Variants in TSGA13 observed in about 807,000 individuals in gnomAD.
The protein encoded by TSGA13 is testis specific 13.
TSGA13 carries 37 observed loss-of-function variants against 35.1 expected under a neutral mutation model. The observed-to-expected ratio is 1.05, with a 90% CI of 0.81 to 1.39. The LOEUF (loss-of-function observed/expected upper bound fraction) is 1.39, where lower values mean the gene tolerates loss of function less well. TSGA13 is among the 40% of genes most tolerant of loss of function. The probability of loss-of-function intolerance (pLI) is 0.00; values close to 1 mark genes in which losing one functional copy is unlikely to be tolerated. For synonymous variants in TSGA13, 124 were observed against 121.2 expected, an observed-to-expected ratio of 1.02 and a Z score of -0.15; for missense variants, 338 against 328.5, an observed-to-expected ratio of 1.03 and a Z score of -0.22.
intron 4 of TSGA13, among the ~76,000 whole-genome samples, chr7:130,679,664 C>G (rs1455902422): frequency 1.3e-5 from 2 of 151,894 alleles, no homozygotes; most frequent in African/African-American, 4.8e-5. Context: ...CACATGCCAC[C>G]CTGTCCAGCT....
Position 130,669,049 on chromosome 7 carries a change from G to A in TSGA13, c.793C>T (p.Gln265Ter), listed in dbSNP as rs1554462386. 1 of 1,614,220 alleles carries A rather than the reference G, an allele frequency of 6.2e-7. No individual in the cohort carries two copies. Among genetic ancestry groups the A allele is most frequent in the South Asian group, 1.1e-5 (1 of 91,082 alleles). ...ESAFRNGRAP[Q>*]WIIKKATVIG ...ACCGTGGCCTTTTTGATAATCCACTGCGGGGCCCTCCCGTTGCGGAAGGCG... is the reference window on the plus strand; with the variant it reads ...ACCGTGGCCTTTTTGATAATCCACTACGGGGCCCTCCCGTTGCGGAAGGCG... The change falls in exon 8 of 8, where the codon CAG becomes TAG. Residue 265 changes from glutamine (Q) to a stop codon, truncating the protein, a stop_gained. Transcript: ENST00000356588. LOFTEE classifies it high-confidence loss of function.
At position 130,668,915 on chromosome 7, in the gene TSGA13, C is replaced by T; in HGVS notation, c.*99G>A. The T allele has an allele frequency of 6.7e-7, 1 of 1,498,810 alleles. No individual in the cohort carries two copies. The highest frequency in any genetic ancestry group is 8.9e-7 in the Non-Finnish European group (1 of 1,118,890). 92.8% of individuals were successfully genotyped at this position (1,498,810 alleles called of 1,614,324 possible). ...CCTCCCGGCTTGCGACCCGGGAGCCCACGCCCGCAGCAGCAGGAATGTGGT... is the reference window on the plus strand; with the variant it reads ...CCTCCCGGCTTGCGACCCGGGAGCCTACGCCCGCAGCAGCAGGAATGTGGT... On this transcript the variant is annotated 3_prime_UTR_variant, in exon 8 of 8. Transcript: ENST00000356588.
At chr7:130,673,762 A>G (rs369386789) in intron 5 of TSGA13, among the ~76,000 whole-genome samples, 5 of 152,244 alleles carry the variant, frequency 3.3e-5, no homozygotes, top group Admixed American at 1.3e-4. Flanking sequence ...TGCCAGGTGT[A>G]GTAACTGCAT....
At chr7:130,685,047 G>T in intron 2 of TSGA13, 141 bp downstream of exon 2, 1 of 907,852 alleles carries the variant, frequency 1.1e-6, no homozygotes, top group Non-Finnish European at 1.7e-6. Context: ...TCCGGTTTTT[G>T]ATCCAGGGAC....
chr7:130,680,834 C>A, intron 4 of TSGA13, 112 bp downstream of exon 4: 1 of 968,068 alleles, frequency 1.0e-6, no homozygotes, highest in Non-Finnish European at 1.6e-6. Flanking sequence ...AGAGTACGCA[C>A]AGTCACAGAA....
In TSGA13 at chr7:130,668,906, C is replaced by G. The variant is rs930296571; in HGVS notation, c.*108G>C. On this transcript the variant is annotated 3_prime_UTR_variant, in exon 8 of 8. Coordinates refer to ENST00000356588, the MANE Select transcript of TSGA13 (RefSeq NM_052933.4). ...CGGCTCGACCCTCCCGGCTTGCGAC[C>G]CGGGAGCCCACGCCCGCAGCAGCAG... is the stretch of plus-strand genomic sequence containing the variant. The G allele has an allele frequency of 8.1e-6, 12 of 1,480,366 alleles. No individual in the cohort carries two copies. The highest frequency in any genetic ancestry group is 2.5e-4 in the Middle Eastern group (1 of 3,956). The allele number at this position is 1,480,366 out of a possible 1,614,324, so 91.7% of individuals were successfully genotyped here. A position where few individuals can be genotyped will look rare whatever the true frequency, so the allele number is the denominator to read the frequency against.
intron 2 of TSGA13, 125 bp downstream of exon 2, chr7:130,685,063 G>T: frequency 9.9e-7 from 1 of 1,014,218 alleles, no homozygotes; most frequent in Non-Finnish European, 1.5e-6. Context: ...GGGACAATCA[G>T]TCAATTAAAA....
chr7:130,678,907 G>T (rs1796472647), intron 5 of TSGA13, among the ~76,000 whole-genome samples: 1 of 152,166 alleles, frequency 6.6e-6, no homozygotes, highest in Non-Finnish European at 1.5e-5. Context: ...CACACCTGTA[G>T]CCCCAGCTAC....
chr7:130,683,731 A>G, intron 2 of TSGA13, 59 bp from the exon 3 acceptor site: 4 of 1,496,964 alleles, frequency 2.7e-6, no homozygotes, highest in Admixed American at 1.7e-5. Flanking sequence ...GGACTTCTGC[A>G]TATTGTCAGT....
intron 5 of TSGA13, among the ~76,000 whole-genome samples, chr7:130,675,893 A>G (rs1796401198): frequency 6.6e-6 from 1 of 152,184 alleles, no homozygotes; most frequent in Non-Finnish European, 1.5e-5. Flanking sequence ...GTCACTACCC[A>G]GCCTATGAAT....
At chr7:130,677,939 T>C (rs528220809) in intron 5 of TSGA13, among the ~76,000 whole-genome samples, 2 of 152,352 alleles carry the variant, frequency 1.3e-5, no homozygotes, top group South Asian at 4.1e-4. Context: ...TATTGATCTT[T>C]CTCCTATTAG....
At chr7:130,673,536 C>T (rs1302900455) in intron 5 of TSGA13, among the ~76,000 whole-genome samples, 1 of 152,086 alleles carries the variant, frequency 6.6e-6, no homozygotes, top group African/African-American at 2.4e-5. Flanking sequence ...CCAGAAGGAA[C>T]AAATCTAGTC....
intron 5 of TSGA13, among the ~76,000 whole-genome samples, chr7:130,678,311 G>A (rs1249018301): frequency 1.3e-5 from 2 of 151,944 alleles, no homozygotes; most frequent in African/African-American, 2.4e-5. Flanking sequence ...CCCGGGAGGC[G>A]GAGCTTGCAG....
chr7:130,676,596 C>T (rs143673618), intron 5 of TSGA13, among the ~76,000 whole-genome samples: 58 of 152,336 alleles, frequency 3.8e-4, no homozygotes, highest in African/African-American at 1.4e-3. Flanking sequence ...TTCTGAGACC[C>T]AAGAGACCAC....
rs782628743 is a variant in TSGA13 at position 130,671,675 on chromosome 7, T to C, written c.644A>G (p.Asp215Gly). ...QLTFAPVHERDMRKDASKKSA... is the reference protein window; with the variant it reads ...QLTFAPVHERGMRKDASKKSA... Reference sequence around the variant, plus strand: ...GAGGAGCTTACCATCTTTCCTCATATCTCTCTCATGGACTGGAGCAAAGGT... The same window carrying C: ...GAGGAGCTTACCATCTTTCCTCATACCTCTCTCATGGACTGGAGCAAAGGT... The change falls in exon 7 of 8, where the codon GAT (aspartate) becomes GGT (glycine). Residue 215 changes from aspartate (D) to glycine (G), a missense_variant. Coordinates refer to ENST00000356588, the MANE Select transcript of TSGA13 (RefSeq NM_052933.4). The C allele has an allele frequency of 6.3e-7, 1 of 1,581,600 alleles. No individual in the cohort carries two copies. The highest frequency in any genetic ancestry group is 8.6e-7 in the Non-Finnish European group (1 of 1,159,934).
In TSGA13 at chr7:130,671,664, C is replaced by A; in HGVS notation, c.655G>T (p.Asp219Tyr). The change falls in exon 7 of 8, where the codon GAT becomes TAT. Residue 219 changes from aspartate to tyrosine, a missense_variant. By Grantham distance (160) the Asp-to-Tyr change is radical. Transcript: ENST00000356588. ...GCTTTGAAAGAGAGGAGCTTACCATCTTTCCTCATATCTCTCTCATGGACT... is the reference window on the plus strand; with the variant it reads ...GCTTTGAAAGAGAGGAGCTTACCATATTTCCTCATATCTCTCTCATGGACT... ...APVHERDMRK[D>Y]ASKKSASERP... 1 of 1,571,000 alleles carries A rather than the reference C, an allele frequency of 6.4e-7. No individual in the cohort carries two copies. The highest frequency in any genetic ancestry group is 8.7e-7 in the Non-Finnish European group (1 of 1,153,824).
At chr7:130,675,818 G>A (rs781885469) in intron 5 of TSGA13, among the ~76,000 whole-genome samples, 31 of 152,194 alleles carry the variant, frequency 2.0e-4, no homozygotes, top group Non-Finnish European at 3.5e-4. Flanking sequence ...TTGGTAGGTT[G>A]GTTGGTTTTT....
At chr7:130,682,591 T>A (rs1318017929) in intron 3 of TSGA13, among the ~76,000 whole-genome samples, 7 of 152,088 alleles carry the variant, frequency 4.6e-5, no homozygotes, top group African/African-American at 1.7e-4. Context: ...CAGGAGGCAG[T>A]ATGGTAAGGT....
At chr7:130,685,415 A>C (rs1554465603) in intron 1 of TSGA13, 55 bp from the exon 2 acceptor site, 1 of 1,325,902 alleles carries the variant, frequency 7.5e-7, no homozygotes, top group Non-Finnish European at 9.7e-7. Flanking sequence ...TAGAAAATGC[A>C]CAAGACATGA....
Sources: gnomAD v4.1 joint callset for allele counts (sites outside exome capture counted in the v4.1 genomes callset) on GRCh38, gnomAD v4.1.1 for gene constraint, MANE v1.5 for transcripts, NCBI Gene and HGNC (gene_info 2026-07-23, HGNC 2026-07-21) for gene names.